The following DSE variants were observed in gnomAD, a reference collection of about 807,000 sequenced individuals.
DSE encodes the protein dermatan-sulfate epimerase.
In DSE, 36 loss-of-function variants were observed where a neutral mutation model predicts 84.4. The ratio of observed to expected loss-of-function variants is 0.43; its 90% CI spans 0.33 to 0.56. The LOEUF (loss-of-function observed/expected upper bound fraction) is 0.56. DSE is among the 20% of genes least tolerant of loss of function. DSE has a pLI of 0.06. For synonymous variants in DSE, 410 were observed against 430.1 expected (o/e 0.95, Z 0.58); for missense variants, 862 against 1,169.6 (o/e 0.74, Z 3.84).
chr6:116,359,323 T>C (rs569441040), intron 2 of DSE, among the ~76,000 whole-genome samples: 1 of 152,294 alleles, frequency 6.6e-6, no homozygotes, highest in South Asian at 2.1e-4. Flanking sequence ...ATTTGTAGGT[T>C]TGCCTCTATG....
Position 116,323,851 on chromosome 6 carries a change from T to C in DSE, c.-54+64884T>C, listed in dbSNP as rs902991887. ...GCCTGATCATGTGCATCTTTCCTGA[T>C]ACCTTTCTTCTCATTCCCTCTTCCA... On this transcript the variant is annotated intron_variant, in intron 2 of 3. Transcript: ENST00000430252. 2.0e-5 allele frequency among the ~76,000 whole-genome samples: 3 copies of C among 152,336 alleles called. No homozygotes were observed. The Middle Eastern group carries it at 0.01, about 518-fold the overall frequency.
intron 2 of DSE, among the ~76,000 whole-genome samples, chr6:116,346,704 T>G (rs1777997566): frequency 1.3e-5 from 2 of 152,150 alleles, no homozygotes; most frequent in African/African-American, 4.8e-5. Context: ...ATTTGAAAAC[T>G]AGCACAAGAC....
intron 2 of DSE, chr6:116,278,828 G>A (rs753912228): frequency 2.4e-5 from 38 of 1,614,018 alleles, no homozygotes; most frequent in Non-Finnish European, 3.0e-5. Flanking sequence ...TTGACAATCA[G>A]CTTGTTTCTG....
chr6:116,380,374 G>C (rs1258189739), intron 1 of DSE, among the ~76,000 whole-genome samples: 2 of 152,030 alleles, frequency 1.3e-5, no homozygotes, highest in African/African-American at 4.8e-5. Context: ...AACTTTGTGA[G>C]AACAATTAGG....
At chr6:116,298,181 A>G (rs1774783814) in intron 2 of DSE, among the ~76,000 whole-genome samples, 1 of 152,216 alleles carries the variant, frequency 6.6e-6, no homozygotes, top group Non-Finnish European at 1.5e-5. Context: ...TGAAGATTAA[A>G]TGAGGCTATC....
chr6:116,437,060 T>G lies in DSE; in HGVS notation c.2592T>G (p.Asp864Glu), dbSNP rs202025988. The part of the protein sequence containing the change: ...EEMKDLLDFA[D>E]VTYEKHKNGG... ...TGAAAGACCTTTTAGATTTTGCAGA[T>G]GTAACATACGAGAAACATAAAAATG... The change falls in exon 6 of 6, where the codon GAT (aspartate) becomes GAG (glutamate). Residue 864 changes from aspartate (D) to glutamate (E), a missense_variant. Around this residue, in one of 4 missense-constraint regions of DSE, gnomAD observed 315 missense variants for 348.1 expected, o/e 0.90. Coordinates refer to ENST00000644252, the MANE Select transcript of DSE (RefSeq NM_013352.4). 3.7e-5 allele frequency: 60 copies of G among 1,614,084 alleles called. No individual in the cohort carries two copies. Among genetic ancestry groups the G allele is most frequent in the Non-Finnish European group, 4.9e-5 (58 of 1,180,012 alleles).
Position 116,381,616 on chromosome 6 carries a change from T to G in DSE, c.-54+10495T>G, listed in dbSNP as rs563295073. Among the ~76,000 whole-genome samples the G allele has an allele frequency of 1.2e-3, 189 of 152,272 alleles. 1 individual carries two copies. Among genetic ancestry groups the G allele is most frequent in the Admixed American group, 4.2e-3 (64 of 15,276 alleles). The stretch of plus-strand genomic sequence containing the variant: ...AAGGTGAAGATACAAATTATACAAG[T>G]AACTGCATTATGGGGCTGTGGTAAG... On this transcript the variant is annotated intron_variant, in intron 1 of 5. Coordinates refer to ENST00000644252, the MANE Select transcript of DSE (RefSeq NM_013352.4).
In DSE at chr6:116,299,549, T is replaced by TACACAC. The variant is rs1562213592; in HGVS notation, c.-54+40583_-54+40584insCACACA. Among the ~76,000 whole-genome samples the TACACAC allele has an allele frequency of 5.9e-4, 30 of 50,820 alleles. 2 individuals are homozygous for TACACAC. Among genetic ancestry groups the TACACAC allele is most frequent in the African/African-American group, 2.1e-3 (14 of 6,758 alleles). 33.3% of individuals were successfully genotyped at this position (50,820 alleles called of 152,430 possible). ...ATATATATATATATATATATATATA[T>TACACAC]ATACACATACACACACACACACACA... On this transcript the variant is annotated intron_variant, in intron 2 of 3. Coordinates refer to the DSE transcript ENST00000430252.
chr6:116,357,314 C>T (rs1046799653), intron 2 of DSE, among the ~76,000 whole-genome samples: 2 of 152,156 alleles, frequency 1.3e-5, no homozygotes, highest in South Asian at 2.1e-4. Context: ...GGGTGGATGA[C>T]GAGGTCAGGA....
chr6:116,295,348 T>C (rs1014888976), intron 2 of DSE, among the ~76,000 whole-genome samples: 1 of 152,170 alleles, frequency 6.6e-6, no homozygotes, highest in African/African-American at 2.4e-5. Flanking sequence ...TGAGACTCGC[T>C]GTGGAGTATT....
chr6:116,402,198 A>G (rs1288426116), intron 2 of DSE, among the ~76,000 whole-genome samples: 1 of 152,108 alleles, frequency 6.6e-6, no homozygotes, highest in Non-Finnish European at 1.5e-5. Flanking sequence ...AGCTAAGGAT[A>G]TTTTCTCTGC....
intron 2 of DSE, among the ~76,000 whole-genome samples, chr6:116,322,409 A>T (rs1339046748): frequency 6.6e-6 from 1 of 152,110 alleles, no homozygotes; most frequent in Non-Finnish European, 1.5e-5. Flanking sequence ...GTGGAATATG[A>T]TGTTAAATAA....
At chr6:116,351,472 C>A (rs550536483) in intron 2 of DSE, among the ~76,000 whole-genome samples, 1 of 152,194 alleles carries the variant, frequency 6.6e-6, no homozygotes, top group Non-Finnish European at 1.5e-5. Context: ...TCCCTAGGAA[C>A]CATCTTTATA....
intron 2 of DSE, among the ~76,000 whole-genome samples, chr6:116,418,728 A>G (rs1782884878): frequency 6.6e-6 from 1 of 152,178 alleles, no homozygotes; most frequent in African/African-American, 2.4e-5. Context: ...ACTTGGTGAC[A>G]TTCTTTGAAA....
intron 1 of DSE, among the ~76,000 whole-genome samples, chr6:116,382,407 C>T (rs1780291802): frequency 6.6e-6 from 1 of 152,126 alleles, no homozygotes; most frequent in South Asian, 2.1e-4. Context: ...TGGGCCTACA[C>T]CATTCCCCTA....
At chr6:116,306,887 C>G (rs918761919) in intron 2 of DSE, among the ~76,000 whole-genome samples, 2 of 152,156 alleles carry the variant, frequency 1.3e-5, no homozygotes, top group East Asian at 3.9e-4. Flanking sequence ...GGGAGCCCTC[C>G]CCAGGAGCCA....
chr6:116,291,391 AAG>A (rs1440516930), intron 2 of DSE, among the ~76,000 whole-genome samples: 2 of 151,836 alleles, frequency 1.3e-5, no homozygotes, highest in African/African-American at 2.4e-5. Flanking sequence ...AAATTATAAT[AAG>A]AGAGAGGGGG....
intron 2 of DSE, among the ~76,000 whole-genome samples, chr6:116,314,660 A>G (rs912432722): frequency 1.3e-5 from 2 of 152,180 alleles, no homozygotes; most frequent in Non-Finnish European, 1.5e-5. Flanking sequence ...TTCATCAGAT[A>G]GTGTTATTTT....
At chr6:116,435,513 C>T (rs11966057) in intron 5 of DSE, 74 bp from the exon 6 acceptor site, 1 of 1,432,072 alleles carries the variant, frequency 7.0e-7, no homozygotes, top group Non-Finnish European at 9.4e-7. Flanking sequence ...TGTGTCGCAT[C>T]TTCCACATTA....
Sources: allele counts gnomAD v4.1 joint callset (sites outside exome capture counted in the v4.1 genomes callset), GRCh38; gene constraint gnomAD v4.1.1; regional missense constraint gnomAD v4.1.1; transcripts MANE v1.5; gene names NCBI Gene and HGNC (gene_info 2026-07-23, HGNC 2026-07-21).